Variants in RARB observed in about 807,000 individuals in gnomAD.
The protein encoded by RARB is HBV-activated protein.
A neutral mutation model predicts 51.9 loss-of-function variants in RARB; 17 were observed. The observed-to-expected ratio is 0.33, with a 90% CI of 0.22 to 0.49. The LOEUF (loss-of-function observed/expected upper bound fraction) is 0.49. Among genes scored for constraint, RARB ranks in the 20% least tolerant of loss-of-function variants. The pLI, the probability that RARB is intolerant of heterozygous loss-of-function variation, is 0.99. For missense variants in RARB, 369 were observed against 550.8 expected (o/e 0.67, Z 3.30); for synonymous variants, 215 against 195.4 (o/e 1.10, Z -0.84).
At chr3:25,426,113 T>C (rs140409556), upstream of RARB, among the ~76,000 whole-genome samples, 918 of 152,340 alleles carry the variant, frequency 6.0e-3, no homozygotes, top group Admixed American at 0.012. Context: ...ATAAGCCTCA[T>C]GGACCAAGTA....
At chr3:25,296,647 G>A (rs1183258987) in intron 5 of RARB, among the ~76,000 whole-genome samples, 2 of 152,036 alleles carry the variant, frequency 1.3e-5, no homozygotes, top group East Asian at 3.9e-4. Context: ...ACTGGAGGGG[G>A]AAAAAAACCC....
At chr3:24,964,115 A>G (rs1485968605) in intron 2 of RARB, among the ~76,000 whole-genome samples, 3 of 152,094 alleles carry the variant, frequency 2.0e-5, no homozygotes, top group Non-Finnish European at 4.4e-5. Context: ...TTACTGAACT[A>G]CAAAATGTTG....
chr3:25,526,886 C>T (rs940714252), intron 3 of RARB, among the ~76,000 whole-genome samples: 3 of 152,158 alleles, frequency 2.0e-5, no homozygotes, highest in Non-Finnish European at 4.4e-5. Flanking sequence ...GTGAAGGTAT[C>T]ATATTATTTG....
intron 5 of RARB, among the ~76,000 whole-genome samples, chr3:25,238,966 A>C (rs1335369573): frequency 6.7e-6 from 1 of 148,332 alleles, no homozygotes. Context: ...GCAGCAGAGC[A>C]AGACTGTGTC....
At chr3:24,886,122 C>T (rs1703261232) in intron 2 of RARB, among the ~76,000 whole-genome samples, 2 of 152,132 alleles carry the variant, frequency 1.3e-5, no homozygotes, top group South Asian at 4.1e-4. Context: ...TAGAATATTC[C>T]CTGCTAACCA....
intron 2 of RARB, among the ~76,000 whole-genome samples, chr3:24,940,255 C>A (rs1695633012): frequency 6.6e-6 from 1 of 151,880 alleles, no homozygotes; most frequent in South Asian, 2.1e-4. Flanking sequence ...CTGAATAGTT[C>A]TTTCTATTCA....
intron 2 of RARB, among the ~76,000 whole-genome samples, chr3:24,905,665 C>T (rs575901607): frequency 5.9e-5 from 9 of 152,286 alleles, no homozygotes; most frequent in Admixed American, 2.6e-4. Flanking sequence ...CTTAAAGAAG[C>T]CTGGAGGTGC....
intron 3 of RARB, among the ~76,000 whole-genome samples, chr3:25,526,523 T>C (rs964749700): frequency 6.6e-6 from 1 of 152,198 alleles, no homozygotes; most frequent in Admixed American, 6.5e-5. Context: ...CTTGGACTAA[T>C]GGAGTTAAAA....
intron 2 of RARB, among the ~76,000 whole-genome samples, chr3:24,982,713 C>G (rs922493279): frequency 6.6e-6 from 1 of 152,236 alleles, no homozygotes; most frequent in African/African-American, 2.4e-5. Flanking sequence ...CTAGCTCCAA[C>G]TTCTCCTCTG....
At chr3:25,322,005 G>A (rs1009440084) in intron 5 of RARB, among the ~76,000 whole-genome samples, 2 of 151,700 alleles carry the variant, frequency 1.3e-5, no homozygotes, top group Non-Finnish European at 2.9e-5. Flanking sequence ...AAAAATGTTT[G>A]TAGAAAAAAA....
In RARB at chr3:25,059,816, A is replaced by C. The variant is rs182964737; in HGVS notation, c.-379-309A>C. 3.9e-5 allele frequency among the ~76,000 whole-genome samples: 6 copies of C among 151,934 alleles called. No homozygotes were observed. The East Asian group carries it at 1.2e-3, about 29-fold the overall frequency. ...GTCCCCCCAAATCAGAGTTTGCTAT[A>C]ATCTCTGATGAGAAATGTAGTCTTA... On this transcript the variant is annotated intron_variant, in intron 2 of 11. Coordinates refer to the RARB transcript ENST00000383772.
intron 5 of RARB, among the ~76,000 whole-genome samples, chr3:25,262,538 C>G (rs533878984): frequency 1.2e-4 from 18 of 152,312 alleles, no homozygotes; most frequent in South Asian, 8.3e-4. Context: ...TTAACCTTTT[C>G]CAGGCTCTAG....
At chr3:25,522,513 C>T (rs371797042) in intron 3 of RARB, among the ~76,000 whole-genome samples, 1 of 152,140 alleles carries the variant, frequency 6.6e-6, no homozygotes, top group East Asian at 1.9e-4. Flanking sequence ...ATAGAAGTTG[C>T]CCAGGGAAAG....
At chr3:24,939,127 C>T (rs9881799) in intron 2 of RARB, among the ~76,000 whole-genome samples, 72,994 of 151,838 alleles carry the variant, frequency 0.48, 18,030 homozygotes, top group African/African-American at 0.52. Flanking sequence ...GGATTACAGG[C>T]GTGCACCACG....
intron 2 of RARB, among the ~76,000 whole-genome samples, chr3:25,490,791 C>T (rs775028821): frequency 1.3e-5 from 2 of 151,970 alleles, no homozygotes; most frequent in East Asian, 1.9e-4. Context: ...GATAATAGAT[C>T]GGTAACTATG....
chr3:25,075,626 A>G (rs934593440), intron 3 of RARB, among the ~76,000 whole-genome samples: 2 of 151,992 alleles, frequency 1.3e-5, no homozygotes, highest in African/African-American at 4.8e-5. Context: ...ATCCATATAC[A>G]GAGGGGATGG....
intron 4 of RARB, among the ~76,000 whole-genome samples, chr3:25,147,446 A>G (rs1700210995): frequency 6.6e-6 from 1 of 152,118 alleles, no homozygotes; most frequent in Non-Finnish European, 1.5e-5. Flanking sequence ...AGAGATTTTG[A>G]ATATTGTCCT....
intron 3 of RARB, among the ~76,000 whole-genome samples, chr3:25,097,530 G>A (rs577009267): frequency 6.6e-6 from 1 of 152,272 alleles, no homozygotes; most frequent in Middle Eastern, 3.4e-3. Flanking sequence ...TATAGGCCCA[G>A]CTACTCAGGC....
intron 5 of RARB, among the ~76,000 whole-genome samples, chr3:25,406,865 A>C (rs1000341474): frequency 1.8e-4 from 27 of 152,276 alleles, no homozygotes; most frequent in African/African-American, 6.5e-4. Flanking sequence ...GGTGAAAAAA[A>C]TTGAGCTCAT....
Sources: gnomAD v4.1 joint callset for allele counts (sites outside exome capture counted in the v4.1 genomes callset) on GRCh38, gnomAD v4.1.1 for gene constraint, MANE v1.5 for transcripts, NCBI Gene and HGNC (gene_info 2026-07-23, HGNC 2026-07-21) for gene names.